Variants in ENTPD1 observed in about 807,000 individuals in gnomAD.
ENTPD1 encodes the protein ATP diphosphohydrolase.
In ENTPD1, 33 loss-of-function variants were observed where a neutral mutation model predicts 57.0. The observed-to-expected ratio is 0.58, with a 90% CI of 0.44 to 0.77. ENTPD1 has a LOEUF of 0.77. Ranked by LOEUF, ENTPD1 falls within the 30% of genes least tolerant of loss-of-function variation. The pLI, the probability that ENTPD1 is intolerant of heterozygous loss-of-function variation, is 0.00. For synonymous variants in ENTPD1, 202 were observed against 218.8 expected (o/e 0.92, Z 0.68); for missense variants, 501 against 603.4 (o/e 0.83, Z 1.78).
intron 6 of ENTPD1, among the ~76,000 whole-genome samples, chr10:95,847,215 A>G (rs1439212545): frequency 6.6e-6 from 1 of 152,120 alleles, no homozygotes; most frequent in African/African-American, 2.4e-5. Flanking sequence ...TAACTACATC[A>G]GCATTCTTTG....
At chr10:95,841,020 T>G (rs1247413572) in intron 3 of ENTPD1, among the ~76,000 whole-genome samples, 1 of 152,202 alleles carries the variant, frequency 6.6e-6, no homozygotes, top group African/African-American at 2.4e-5. Flanking sequence ...GAGACAGTAC[T>G]TCTGGCCTTT....
intron 7 of ENTPD1, among the ~76,000 whole-genome samples, chr10:95,857,755 A>G (rs1345885053): frequency 1.3e-5 from 2 of 152,350 alleles, no homozygotes; most frequent in African/African-American, 4.8e-5. Flanking sequence ...GGCAGATTCA[A>G]CCAAGAACAA....
intron 1 of ENTPD1, among the ~76,000 whole-genome samples, chr10:95,818,076 T>C (rs1191019397): frequency 2.0e-5 from 3 of 152,008 alleles, no homozygotes; most frequent in African/African-American, 7.3e-5. Flanking sequence ...CTTTGTAGAG[T>C]ATAGGGGGAG....
intron 1 of ENTPD1, among the ~76,000 whole-genome samples, chr10:95,762,209 C>CAAAAA (rs59588135): frequency 2.5e-5 from 2 of 78,498 alleles, no homozygotes; most frequent in Non-Finnish European, 5.9e-5. Context: ...TAAAAAGAAG[C>CAAAAA]AAAAAAAAAA....
chr10:95,850,259 T>G (rs2098442612), intron 7 of ENTPD1, among the ~76,000 whole-genome samples: 1 of 152,264 alleles, frequency 6.6e-6, no homozygotes, highest in Non-Finnish European at 1.5e-5. Context: ...AGGATCTTTC[T>G]CCTCTAGATA....
intron 2 of ENTPD1, among the ~76,000 whole-genome samples, chr10:95,826,978 G>A (rs1277391308): frequency 6.6e-6 from 1 of 152,060 alleles, no homozygotes; most frequent in Non-Finnish European, 1.5e-5. Flanking sequence ...AATCAGATTT[G>A]GACCTTTCTT....
chr10:95,776,075 G>A (rs145546621), intron 1 of ENTPD1, among the ~76,000 whole-genome samples: 2 of 152,214 alleles, frequency 1.3e-5, no homozygotes, highest in African/African-American at 2.4e-5. Context: ...GCAGACTGAT[G>A]GGTCTTGACT....
intron 2 of ENTPD1, among the ~76,000 whole-genome samples, chr10:95,826,144 A>G (rs2098375434): frequency 6.6e-6 from 1 of 152,164 alleles, no homozygotes; most frequent in South Asian, 2.1e-4. Flanking sequence ...AATAACACAA[A>G]TTATTAATTG....
At chr10:95,782,600 T>G (rs2098162266) in intron 1 of ENTPD1, among the ~76,000 whole-genome samples, 1 of 151,688 alleles carries the variant, frequency 6.6e-6, no homozygotes, top group Non-Finnish European at 1.5e-5. Flanking sequence ...GGCAAAAGAG[T>G]TAGGGCAATT....
At chr10:95,748,384 A>G (rs1001963849) in intron 1 of ENTPD1, among the ~76,000 whole-genome samples, 2 of 152,228 alleles carry the variant, frequency 1.3e-5, no homozygotes, top group African/African-American at 4.8e-5. Context: ...CTTTTTCACC[A>G]GGATTCTTTT....
intron 2 of ENTPD1, among the ~76,000 whole-genome samples, chr10:95,827,311 C>A (rs546183426): frequency 6.6e-6 from 1 of 151,852 alleles, no homozygotes; most frequent in Non-Finnish European, 1.5e-5. Context: ...AAAAATTAGC[C>A]GGGCGTGGTG....
intron 1 of ENTPD1, among the ~76,000 whole-genome samples, chr10:95,810,374 C>T (rs1488603598): frequency 1.3e-5 from 2 of 148,648 alleles, no homozygotes; most frequent in East Asian, 2.0e-4. Context: ...CCAGACAGGG[C>T]GGCCGGGCAG....
upstream of ENTPD1, among the ~76,000 whole-genome samples, chr10:95,709,755 G>A (rs955248928): frequency 1.3e-5 from 2 of 150,930 alleles, no homozygotes; most frequent in Non-Finnish European, 3.0e-5. Context: ...GTTTTTTGTT[G>A]TTGTTTGTTT....
intron 1 of ENTPD1, among the ~76,000 whole-genome samples, chr10:95,813,949 T>C (rs149838820): frequency 2.6e-5 from 4 of 152,354 alleles, no homozygotes; most frequent in African/African-American, 9.6e-5. Flanking sequence ...TTGCTTATTC[T>C]CACCATCTGC....
chr10:95,833,203 G>C (rs1489600436), intron 2 of ENTPD1, among the ~76,000 whole-genome samples: 2 of 152,156 alleles, frequency 1.3e-5, no homozygotes, highest in East Asian at 3.8e-4. Context: ...GCAGATAGAT[G>C]GTGTTGCACA....
In ENTPD1 at chr10:95,872,194, CTAGAT is replaced by C; in HGVS notation, c.*5814_*5818del. 1.0e-6 allele frequency: 1 copy of C among 985,456 alleles called. No homozygotes were observed. The highest frequency in any genetic ancestry group is 1.2e-6 in the Non-Finnish European group (1 of 829,934). 61.0% of individuals were successfully genotyped at this position (985,456 alleles called of 1,614,324 possible). A position where few individuals can be genotyped will look rare whatever the true frequency, so the allele number is the denominator to read the frequency against. ...TGGTGTTGCTTCCAATCTGTTGCTG[CTAGAT>C]TAATCTTTGCAAAGCACAGGCTTAA... is the stretch of plus-strand genomic sequence containing the variant. On this transcript the variant is annotated 3_prime_UTR_variant, in exon 10 of 10. Coordinates refer to ENST00000371205, the MANE Select transcript of ENTPD1 (RefSeq NM_001776.6).
At chr10:95,858,446 A>C (rs2098459494) in intron 7 of ENTPD1, among the ~76,000 whole-genome samples, 1 of 152,156 alleles carries the variant, frequency 6.6e-6, no homozygotes, top group South Asian at 2.1e-4. Flanking sequence ...AAAGGTTTTA[A>C]GCAGGGGAGT....
At chr10:95,773,196 C>T (rs977916165) in intron 1 of ENTPD1, among the ~76,000 whole-genome samples, 1 of 152,150 alleles carries the variant, frequency 6.6e-6, no homozygotes, top group Non-Finnish European at 1.5e-5. Context: ...GCCCCCATGA[C>T]CAAACACCTC....
intron 6 of ENTPD1, chr10:95,845,854 C>T: frequency 1.8e-6 from 1 of 543,106 alleles, no homozygotes; most frequent in Non-Finnish European, 3.3e-6. Flanking sequence ...ATTTCTCCCC[C>T]TCGTGGGGTT....
Sources: allele counts gnomAD v4.1 joint callset (sites outside exome capture counted in the v4.1 genomes callset), GRCh38; gene constraint gnomAD v4.1.1; transcripts MANE v1.5; gene names NCBI Gene and HGNC (gene_info 2026-07-23, HGNC 2026-07-21).